The following HSPA12A variants were observed in gnomAD, a reference collection of about 807,000 sequenced individuals.
The protein encoded by HSPA12A is heat shock protein family A (Hsp70) member 12A.
Under a neutral mutation model 69.2 loss-of-function variants are expected in HSPA12A, and 28 were observed. The observed-to-expected ratio is 0.40, with a 90% CI of 0.30 to 0.55. The LOEUF is 0.55. HSPA12A is among the 20% of genes least tolerant of loss of function. The probability of loss-of-function intolerance (pLI) is 0.38; values close to 1 mark genes in which losing one functional copy is unlikely to be tolerated. For synonymous variants in HSPA12A, 345 were observed against 370.5 expected (o/e 0.93, Z 0.79); for missense variants, 686 against 900.7 (o/e 0.76, Z 3.05).
At chr10:116,835,479 C>T (rs1244826354) in intron 1 of HSPA12A, among the ~76,000 whole-genome samples, 3 of 152,118 alleles carry the variant, frequency 2.0e-5, no homozygotes, top group Admixed American at 6.5e-5. Context: ...CAATGTACCA[C>T]CAGCCCATCC....
intron 1 of HSPA12A, among the ~76,000 whole-genome samples, chr10:116,847,649 T>C (rs1046575162): frequency 6.6e-6 from 1 of 152,240 alleles, no homozygotes; most frequent in Non-Finnish European, 1.5e-5. Flanking sequence ...CCATTTATTA[T>C]GTGTAAAACC....
intron 1 of HSPA12A, 137 bp downstream of exon 1, chr10:116,742,293 G>A: frequency 1.0e-6 from 1 of 956,606 alleles, no homozygotes; most frequent in Non-Finnish European, 1.4e-6. Flanking sequence ...CCCCGGCCCC[G>A]CCCGCCAGAA....
At chr10:116,797,645 C>T (rs1844858546) in intron 2 of HSPA12A, among the ~76,000 whole-genome samples, 1 of 152,180 alleles carries the variant, frequency 6.6e-6, no homozygotes, top group Non-Finnish European at 1.5e-5. Flanking sequence ...ACCAAAGAAG[C>T]TGTTTAGTAG....
intron 1 of HSPA12A, among the ~76,000 whole-genome samples, chr10:116,711,832 G>GT (rs60670342): frequency 0.04 from 5,811 of 145,688 alleles, 154 homozygotes; most frequent in East Asian, 0.075. Flanking sequence ...CCCAGCTAAT[G>GT]TTTTTTTTTT....
At chr10:116,780,089 T>C (rs1328579658) in intron 2 of HSPA12A, among the ~76,000 whole-genome samples, 2 of 152,166 alleles carry the variant, frequency 1.3e-5, no homozygotes, top group East Asian at 3.9e-4. Context: ...ATCCCGTTCA[T>C]CCACAGGGAC....
Position 116,672,901 on chromosome 10 carries a change from C to CT in HSPA12A, c.*1879dup, listed in dbSNP as rs1849124493. 6.5e-6 allele frequency: 1 copy of CT among 152,738 alleles called. No individual in the cohort carries two copies. Among genetic ancestry groups the CT allele is most frequent in the South Asian group, 2.1e-4 (1 of 4,822 alleles). The allele number at this position is 152,738 out of a possible 1,614,324, so 9.5% of individuals were successfully genotyped here. ...AAGTTATGTGACTAACCAGCACACT[C>CT]TAAGTTCTGTGGTTTGTTCGTTGTT... On this transcript the variant is annotated 3_prime_UTR_variant, in exon 12 of 12. Transcript: ENST00000369209.
At chr10:116,845,455 C>T (rs553903726) in intron 1 of HSPA12A, among the ~76,000 whole-genome samples, 3 of 152,136 alleles carry the variant, frequency 2.0e-5, no homozygotes, top group Non-Finnish European at 2.9e-5. Flanking sequence ...ACCATACACG[C>T]CTTCCAATGC....
At chr10:116,730,536 C>T (rs1554885578) in intron 1 of HSPA12A, among the ~76,000 whole-genome samples, 1 of 152,210 alleles carries the variant, frequency 6.6e-6, no homozygotes, top group African/African-American at 2.4e-5. Flanking sequence ...CTCGGCTAGT[C>T]AGAGGTGGCA....
Position 116,682,830 on chromosome 10 carries a change from A to T in HSPA12A, c.836-953T>A, listed in dbSNP as rs372648765. The stretch of plus-strand genomic sequence containing the variant: ...ATTCTCCTGCCTCAGCCTCCCAAGT[A>T]GCTGGGACTACAGGCACCCGCCACC... On this transcript the variant is annotated intron_variant, in intron 7 of 11. Transcript: ENST00000369209. Among the ~76,000 whole-genome samples, 827 of 148,948 alleles carry T rather than the reference A, an allele frequency of 5.6e-3. 9 individuals are homozygous for T. Among genetic ancestry groups the T allele is most frequent in the African/African-American group, 0.02 (779 of 39,806 alleles).
At chr10:116,848,974 G>C (rs539645903) in intron 1 of HSPA12A, among the ~76,000 whole-genome samples, 1 of 152,334 alleles carries the variant, frequency 6.6e-6, no homozygotes, top group East Asian at 1.9e-4. Flanking sequence ...GCTCGGCTCA[G>C]AGCAGGTAGT....
At chr10:116,676,631 A>G in intron 10 of HSPA12A, 129 bp from the exon 11 acceptor site, 1 of 705,370 alleles carries the variant, frequency 1.4e-6, no homozygotes, top group Non-Finnish European at 2.4e-6. Context: ...GTTGAAAGCC[A>G]AAAGCACCTT....
intron 2 of HSPA12A, among the ~76,000 whole-genome samples, chr10:116,823,289 G>A (rs1218443403): frequency 6.6e-6 from 1 of 152,174 alleles, no homozygotes; most frequent in Non-Finnish European, 1.5e-5. Flanking sequence ...ATAAAACACT[G>A]TTGAAAGACA....
chr10:116,782,933 G>A (rs1171158130), intron 2 of HSPA12A, among the ~76,000 whole-genome samples: 1 of 152,194 alleles, frequency 6.6e-6, no homozygotes, highest in Non-Finnish European at 1.5e-5. Context: ...CACCCTCACG[G>A]AGGGTACTGG....
Position 116,683,805 on chromosome 10 carries a change from G to C in HSPA12A, c.821C>G (p.Ala274Gly). 1 of 1,564,184 alleles carries C rather than the reference G, an allele frequency of 6.4e-7. No homozygotes were observed. The highest frequency in any genetic ancestry group is 8.8e-7 in the Non-Finnish European group (1 of 1,142,070). Residue 274 changes from alanine to glycine, a missense_variant, in exon 7 of 12, where the codon GCT becomes GGT. Physicochemically the swap from Ala to Gly is moderately conservative, Grantham distance 60. Coordinates refer to ENST00000369209, the MANE Select transcript of HSPA12A (RefSeq NM_025015.3). ...NGYSGSDTVG[A>G]GFTQAKEHIR... ...AGCAGAGGTACCCTGTGTAAACCCA[G>C]CTCCTACTGTGTCACTGCCGCTGTA...
chr10:116,816,780 C>T (rs1845314863), intron 2 of HSPA12A, among the ~76,000 whole-genome samples: 1 of 152,136 alleles, frequency 6.6e-6, no homozygotes, highest in Non-Finnish European at 1.5e-5. Flanking sequence ...GCCTGGAGCC[C>T]TCGCCAGTTT....
At chr10:116,816,257 C>A (rs1421875935) in intron 2 of HSPA12A, among the ~76,000 whole-genome samples, 6 of 152,266 alleles carry the variant, frequency 3.9e-5, no homozygotes, top group Non-Finnish European at 7.3e-5. Context: ...TTCATATCAT[C>A]TTGCCCCTGA....
intron 10 of HSPA12A, among the ~76,000 whole-genome samples, chr10:116,677,007 G>A (rs1849259208): frequency 6.6e-6 from 1 of 152,164 alleles, no homozygotes; most frequent in Non-Finnish European, 1.5e-5. Context: ...CAGCAGTGTG[G>A]AGCAGAGAGT....
At chr10:116,809,637 G>A (rs1845135555) in intron 2 of HSPA12A, among the ~76,000 whole-genome samples, 1 of 152,220 alleles carries the variant, frequency 6.6e-6, no homozygotes, top group African/African-American at 2.4e-5. Flanking sequence ...GGGACTGTCT[G>A]CGGGGGAAAC....
At chr10:116,682,063 A>T (rs1250093214) in intron 7 of HSPA12A, among the ~76,000 whole-genome samples, 186 bp from the exon 8 acceptor site, 1 of 152,222 alleles carries the variant, frequency 6.6e-6, no homozygotes, top group Non-Finnish European at 1.5e-5. Context: ...AGTGATTTCC[A>T]CCGGCCTTCC....
Sources: gnomAD v4.1 joint callset for allele counts (sites outside exome capture counted in the v4.1 genomes callset) on GRCh38, gnomAD v4.1.1 for gene constraint, MANE v1.5 for transcripts, NCBI Gene and HGNC (gene_info 2026-07-23, HGNC 2026-07-21) for gene names.